The following INTS6 variants were observed in gnomAD, a reference collection of about 807,000 sequenced individuals.
INTS6 encodes the protein DEAD box protein.
A neutral mutation model predicts 104.9 loss-of-function variants in INTS6; 16 were observed. That is an observed-to-expected ratio of 0.15 (90% CI 0.10 to 0.23). The LOEUF is 0.23. Among genes scored for constraint, INTS6 ranks in the 10% least tolerant of loss-of-function variants. The pLI is 1.00. For synonymous variants in INTS6, 324 were observed against 358.7 expected (o/e 0.90, Z 1.09); for missense variants, 584 against 1,062.8 (o/e 0.55, Z 6.26).
At chr13:51,395,232 G>A in intron 5 of INTS6, 68 bp downstream of exon 5, 2 of 1,423,074 alleles carry the variant, frequency 1.4e-6, no homozygotes, top group Non-Finnish European at 1.9e-6. Flanking sequence ...GCTTTTGAAT[G>A]TACACTTTTA....
chr13:51,343,027 G>T, the INTS6 span, among the ~76,000 whole-genome samples: 7 of 152,060 alleles, frequency 4.6e-5, no homozygotes, highest in African/African-American at 1.5e-4. Context: ...GTTTGGCTGG[G>T]GACCCTGGCC....
chr13:51,383,955 T>A, intron 7 of INTS6: 1 of 353,642 alleles, frequency 2.8e-6, no homozygotes, highest in Non-Finnish European at 5.0e-6. Context: ...TGAAAATCTA[T>A]AGAAATGAAA....
chr13:51,352,663 C>T (rs1222399244), downstream of INTS6, among the ~76,000 whole-genome samples: 1 of 151,982 alleles, frequency 6.6e-6, no homozygotes, highest in African/African-American at 2.4e-5. Flanking sequence ...TGTCTTGTTC[C>T]TGATCTTAGG....
downstream of INTS6, among the ~76,000 whole-genome samples, chr13:51,357,666 T>A (rs894820173): frequency 6.6e-6 from 1 of 151,894 alleles, no homozygotes; most frequent in East Asian, 1.9e-4. Context: ...CAGAGTGTAG[T>A]TCCCCCCCAG....
the INTS6 span, chr13:51,339,495 G>C: frequency 6.6e-6 from 1 of 152,642 alleles, no homozygotes; most frequent in South Asian, 2.1e-4. Flanking sequence ...CTCTGTTCCC[G>C]ATCTGGGCTT....
chr13:51,401,641 C>T (rs1008538785), intron 4 of INTS6, among the ~76,000 whole-genome samples: 1 of 152,028 alleles, frequency 6.6e-6, no homozygotes, highest in African/African-American at 2.4e-5. Flanking sequence ...ATTCTAAACC[C>T]GTTATATATA....
intron 3 of INTS6, chr13:51,439,792 T>TAAG (rs1374502944): frequency 6.6e-6 from 1 of 152,226 alleles, no homozygotes; most frequent in Non-Finnish European, 1.5e-5. Flanking sequence ...GGATGTACAG[T>TAAG]AAGACATCAC....
chr13:51,381,437 A>C (rs973671675), intron 10 of INTS6, among the ~76,000 whole-genome samples: 12 of 152,132 alleles, frequency 7.9e-5, no homozygotes, highest in Admixed American at 3.9e-4. Flanking sequence ...CAGAACCAAT[A>C]ATCATTTCTA....
chr13:51,389,498 G>A, intron 5 of INTS6, 54 bp from the exon 6 acceptor site: 1 of 1,470,486 alleles, frequency 6.8e-7, no homozygotes, highest in Non-Finnish European at 9.0e-7. Context: ...AAACTAGTTA[G>A]TTGCAAGAAT....
At position 51,394,708 on chromosome 13, in the gene INTS6, C is replaced by T. The variant is rs149871199; in HGVS notation, c.613+592G>A. On this transcript the variant is annotated intron_variant, in intron 5 of 17. Coordinates refer to ENST00000311234, the MANE Select transcript of INTS6 (RefSeq NM_012141.3). Reference sequence around the variant, plus strand: ...CGATACTTGGTACACAGTAGGCACGCAATACATACCTATATGAAATTAATC... The same window carrying T: ...CGATACTTGGTACACAGTAGGCACGTAATACATACCTATATGAAATTAATC... Among the ~76,000 whole-genome samples, 16 of 152,218 alleles carry T rather than the reference C, an allele frequency of 1.1e-4. No homozygotes were observed. In the East Asian group the frequency reaches 3.1e-3, roughly 29 times the overall value.
chr13:51,369,584 T>C (rs1002537437), intron 15 of INTS6, among the ~76,000 whole-genome samples: 43 of 152,334 alleles, frequency 2.8e-4, no homozygotes, highest in African/African-American at 8.7e-4. Flanking sequence ...GTTTATTCTA[T>C]AGCAATTTTA....
At chr13:51,443,112 AATAAT>A (rs904692540) in intron 3 of INTS6, 2 of 152,354 alleles carry the variant, frequency 1.3e-5, no homozygotes, top group Middle Eastern at 3.4e-3. Context: ...AATGTTATTA[AATAAT>A]ATACAAATCC....
intron 4 of INTS6, among the ~76,000 whole-genome samples, chr13:51,429,800 A>ATATATATATGTG (rs1555290264): frequency 7.3e-6 from 1 of 136,952 alleles, no homozygotes. Context: ...ATATATATAT[A>ATATATATATGTG]TATATATATG....
chr13:51,447,574 G>A (rs574954153), intron 3 of INTS6: 22 of 151,758 alleles, frequency 1.4e-4, no homozygotes, highest in African/African-American at 4.8e-4. Context: ...TCTTCACCAA[G>A]GGCACATAGT....
At chr13:51,425,755 CTAATT>C (rs1393626942) in intron 4 of INTS6, among the ~76,000 whole-genome samples, 4 of 151,986 alleles carry the variant, frequency 2.6e-5, no homozygotes, top group African/African-American at 9.7e-5. Context: ...TTCAATAACT[CTAATT>C]TGTTGATTCT....
At chr13:51,426,823 C>T (rs538677960) in intron 4 of INTS6, among the ~76,000 whole-genome samples, 1 of 152,038 alleles carries the variant, frequency 6.6e-6, no homozygotes, top group Admixed American at 6.5e-5. Context: ...TTTAAGAACA[C>T]ACAAATTTAG....
intron 3 of INTS6, among the ~76,000 whole-genome samples, chr13:51,433,340 C>T (rs1177378363): frequency 4.6e-5 from 7 of 152,122 alleles, no homozygotes; most frequent in Non-Finnish European, 7.4e-5. Context: ...CCCAGCTACT[C>T]GGGAGGCCGA....
chr13:51,348,370 C>T, the INTS6 span: 1 of 1,613,890 alleles, frequency 6.2e-7, no homozygotes, highest in Non-Finnish European at 8.5e-7. Context: ...ACCTCTGGAC[C>T]ACCAGCCTGA....
At chr13:51,401,252 A>T (rs1025564666) in intron 4 of INTS6, among the ~76,000 whole-genome samples, 1 of 152,078 alleles carries the variant, frequency 6.6e-6, no homozygotes, top group East Asian at 1.9e-4. Flanking sequence ...GCATTCACTC[A>T]TCATTTTTTA....
Sources: gnomAD v4.1 joint callset for allele counts (sites outside exome capture counted in the v4.1 genomes callset) on GRCh38, gnomAD v4.1.1 for gene constraint, MANE v1.5 for transcripts, NCBI Gene and HGNC (gene_info 2026-07-23, HGNC 2026-07-21) for gene names.